NSUN2: variants seen among roughly 807,000 people sequenced by gnomAD.
NSUN2 encodes the protein NOP2/Sun RNA methyltransferase 2.
A neutral mutation model predicts 92.7 loss-of-function variants in NSUN2; 63 were observed. That is an observed-to-expected ratio of 0.68 (90% CI 0.56 to 0.84). The LOEUF is 0.84. NSUN2 is among the 40% of genes least tolerant of loss of function. The pLI, the probability that NSUN2 is intolerant of heterozygous loss-of-function variation, is 0.00. For synonymous variants in NSUN2, 356 were observed against 348.3 expected, an observed-to-expected ratio of 1.02 and a Z score of -0.25; for missense variants, 989 against 964.9, an observed-to-expected ratio of 1.02 and a Z score of -0.33.
chr5:6,609,847 C>T lies in NSUN2; in HGVS notation c.1302G>A (p.Pro434=), dbSNP rs765040273. The T allele has an allele frequency of 2.2e-5, 35 of 1,613,204 alleles. 1 individual carries two copies. The highest frequency in any genetic ancestry group is 1.9e-4 in the South Asian group (17 of 90,878). Residue 434 remains proline, a synonymous_variant, in exon 12 of 19, where the codon CCG becomes CCA. Coordinates refer to ENST00000264670, the MANE Select transcript of NSUN2 (RefSeq NM_017755.6). ...VAVLVKKSSM[P]WNKRQPKLQG... ...TCACCTTTGGCTGACGTTTATTCCA[C>T]GGCATTGAAGATTTTTTCACCAATA... is the stretch of plus-strand genomic sequence containing the variant.
intron 9 of NSUN2, among the ~76,000 whole-genome samples, chr5:6,614,576 A>C (rs1251578856): frequency 6.6e-6 from 1 of 152,196 alleles, no homozygotes; most frequent in Non-Finnish European, 1.5e-5. Flanking sequence ...ACCCATGGGA[A>C]TGAGAACTAG....
intron 17 of NSUN2, among the ~76,000 whole-genome samples, chr5:6,603,272 G>A (rs1292943944): frequency 1.3e-5 from 2 of 152,200 alleles, no homozygotes; most frequent in Non-Finnish European, 2.9e-5. Context: ...GCAGCAATAT[G>A]ACCAATAATC....
At chr5:6,613,005 A>G (rs959215692) in intron 9 of NSUN2, among the ~76,000 whole-genome samples, 1 of 152,238 alleles carries the variant, frequency 6.6e-6, no homozygotes, top group Non-Finnish European at 1.5e-5. Flanking sequence ...GCATAAAGCC[A>G]TATCCATGCA....
At chr5:6,630,796 T>C (rs371670845) in intron 3 of NSUN2, among the ~76,000 whole-genome samples, 14 of 152,292 alleles carry the variant, frequency 9.2e-5, no homozygotes, top group East Asian at 3.9e-4. Flanking sequence ...CAAAAGTTGA[T>C]GCAAAACGCT....
At chr5:6,614,154 G>A (rs1241188166) in intron 9 of NSUN2, among the ~76,000 whole-genome samples, 1 of 124,266 alleles carries the variant, frequency 8.0e-6, no homozygotes, top group African/African-American at 3.0e-5. Context: ...CAGACATAAA[G>A]CCAACTAGAG....
At chr5:6,630,040 C>A (rs1450447786) in intron 3 of NSUN2, among the ~76,000 whole-genome samples, 1 of 152,192 alleles carries the variant, frequency 6.6e-6, no homozygotes, top group African/African-American at 2.4e-5. Flanking sequence ...ACTTCAAGTA[C>A]AACACAATCA....
At position 6,622,141 on chromosome 5, in the gene NSUN2, C is replaced by A. The variant is rs775203859; in HGVS notation, c.538-41G>T. On this transcript the variant is annotated intron_variant, in intron 5 of 18. Transcript: ENST00000264670. ...GAAACTGTTTCATGTTTTTAAAAAA[C>A]CAAATATTCTACATTTAATTTAAAG... 31 of 1,467,452 alleles carry A rather than the reference C, an allele frequency of 2.1e-5. No individual in the cohort carries two copies. In the South Asian group the frequency reaches 3.2e-4, roughly 15 times the overall value. The allele number at this position is 1,467,452 out of a possible 1,614,324, so 90.9% of individuals were successfully genotyped here.
chr5:6,631,021 G>C (rs1420079206), intron 3 of NSUN2, among the ~76,000 whole-genome samples: 1 of 152,220 alleles, frequency 6.6e-6, no homozygotes, highest in African/African-American at 2.4e-5. Context: ...GTGAACCAGG[G>C]AGGTGGAGCT....
chr5:6,620,045 A>C, intron 7 of NSUN2, 61 bp downstream of exon 7: 1 of 1,331,608 alleles, frequency 7.5e-7, no homozygotes, highest in Non-Finnish European at 1.0e-6. Context: ...ACTTCATTTT[A>C]GTCTCTATTT....
At chr5:6,626,345 AT>A (rs1300387894) in intron 3 of NSUN2, among the ~76,000 whole-genome samples, 1 of 151,118 alleles carries the variant, frequency 6.6e-6, no homozygotes. Flanking sequence ...ATTTTTTTTA[AT>A]TAGGGGAGAA....
At chr5:6,609,966 T>C (rs747102755) in intron 11 of NSUN2, 44 bp from the exon 12 acceptor site, 4 of 1,314,108 alleles carry the variant, frequency 3.0e-6, no homozygotes, top group East Asian at 4.8e-5. Flanking sequence ...TAATCAAAAA[T>C]GCATTCTTTT....
intron 9 of NSUN2, among the ~76,000 whole-genome samples, chr5:6,614,094 GGAAAAAAAAAAAA>G (rs1737113726): frequency 1.9e-5 from 1 of 53,404 alleles, no homozygotes; most frequent in Non-Finnish European, 3.5e-5. Context: ...AGACTGTCTC[GGAAAAAAAAAAAA>G]AAAAAAAAAA....
intron 2 of NSUN2, 73 bp downstream of exon 2, chr5:6,632,526 A>C (rs759781940): frequency 1.3e-5 from 20 of 1,547,378 alleles, no homozygotes; most frequent in Non-Finnish European, 1.7e-5. Flanking sequence ...ACACTTGTCG[A>C]AGAAAACACC....
At position 6,599,971 on chromosome 5, in the gene NSUN2, GTCTGGACTGTTGGCCTCTTCTGCA is replaced by G; in HGVS notation, c.2235_2258del (p.Ala746_Asp753del). Reference sequence around the variant, plus strand: ...CCGCCGGGTCACAGCCTGCTGTCACGTCTGGACTGTTGGCCTCTTCTGCATCTGGGCTGTTGGGCTCTCCTGCTC... The same window carrying G: ...CCGCCGGGTCACAGCCTGCTGTCACGTCTGGGCTGTTGGGCTCTCCTGCTC... On this transcript the variant is annotated inframe_deletion, in exon 19 of 19. Transcript: ENST00000264670. 6.2e-7 allele frequency: 1 copy of G among 1,614,162 alleles called. No individual in the cohort carries two copies. Among genetic ancestry groups the G allele is most frequent in the Non-Finnish European group, 8.5e-7 (1 of 1,180,042 alleles).
At chr5:6,628,713 T>C (rs1737754190) in intron 3 of NSUN2, among the ~76,000 whole-genome samples, 1 of 152,134 alleles carries the variant, frequency 6.6e-6, no homozygotes, top group African/African-American at 2.4e-5. Context: ...ACAGATGAAT[T>C]TGAATAAATA....
intron 4 of NSUN2, among the ~76,000 whole-genome samples, chr5:6,624,002 C>A (rs1227318235): frequency 1.3e-5 from 2 of 152,222 alleles, no homozygotes; most frequent in Non-Finnish European, 2.9e-5. Context: ...CCAACACAAC[C>A]CTACAAAAGC....
chr5:6,613,057 C>T (rs552812036), intron 9 of NSUN2, among the ~76,000 whole-genome samples: 4 of 152,214 alleles, frequency 2.6e-5, no homozygotes, highest in African/African-American at 9.6e-5. Context: ...ATCTACAATA[C>T]GGTCTGAAGC....
At chr5:6,608,080 C>A (rs1736851928) in intron 12 of NSUN2, among the ~76,000 whole-genome samples, 1 of 152,208 alleles carries the variant, frequency 6.6e-6, no homozygotes, top group East Asian at 1.9e-4. Context: ...TCAACACAGG[C>A]AAGTTCATTT....
At chr5:6,603,139 T>TA (rs1736623313) in intron 17 of NSUN2, among the ~76,000 whole-genome samples, 1 of 152,136 alleles carries the variant, frequency 6.6e-6, no homozygotes, top group Admixed American at 6.5e-5. Flanking sequence ...GCAAGTTATT[T>TA]AAAAAAATAA....
Sources: gnomAD v4.1 joint callset for allele counts (sites outside exome capture counted in the v4.1 genomes callset) on GRCh38, gnomAD v4.1.1 for gene constraint, MANE v1.5 for transcripts, NCBI Gene and HGNC (gene_info 2026-07-23, HGNC 2026-07-21) for gene names.